Variants in SLX4IP observed in about 807,000 individuals in gnomAD.
SLX4IP encodes the protein SLX4 interacting protein.
Under a neutral mutation model 32.9 loss-of-function variants are expected in SLX4IP, and 34 were observed. The ratio of observed to expected loss-of-function variants is 1.03; its 90% CI spans 0.79 to 1.38. The LOEUF is 1.38. Among genes scored for constraint, SLX4IP ranks in the 40% most tolerant of loss-of-function variants. The probability of loss-of-function intolerance (pLI) is 0.00; values close to 1 mark genes in which losing one functional copy is unlikely to be tolerated. For missense variants in SLX4IP, 444 were observed against 479.0 expected, an observed-to-expected ratio of 0.93 and a Z score of 0.68; for synonymous variants, 172 against 171.7, an observed-to-expected ratio of 1.00 and a Z score of -0.01.
intron 2 of SLX4IP, among the ~76,000 whole-genome samples, chr20:10,500,706 G>A (rs924528198): frequency 3.3e-5 from 5 of 152,136 alleles, no homozygotes; most frequent in African/African-American, 1.2e-4. Flanking sequence ...AGCTATGACT[G>A]CACCTCTGCA....
intron 2 of SLX4IP, among the ~76,000 whole-genome samples, chr20:10,480,998 T>C (rs1046673505): frequency 6.6e-6 from 1 of 152,186 alleles, no homozygotes; most frequent in South Asian, 2.1e-4. Context: ...TGTTTTTTGT[T>C]TTGGATATCT....
At chr20:10,590,230 T>A (rs2066691891) in intron 4 of SLX4IP, among the ~76,000 whole-genome samples, 1 of 152,180 alleles carries the variant, frequency 6.6e-6, no homozygotes, top group Non-Finnish European at 1.5e-5. Context: ...TGTAATTTTT[T>A]AATGCAGATC....
chr20:10,460,641 A>G (rs975831037), intron 2 of SLX4IP, among the ~76,000 whole-genome samples: 1 of 152,174 alleles, frequency 6.6e-6, no homozygotes, highest in African/African-American at 2.4e-5. Flanking sequence ...CAGTCCTCTG[A>G]AGGCCTAGAT....
chr20:10,610,898 A>G (rs1315996729), intron 6 of SLX4IP, among the ~76,000 whole-genome samples: 1 of 124,230 alleles, frequency 8.0e-6, no homozygotes. Context: ...TTTAGGAAAG[A>G]GAGACTTCTT....
intron 4 of SLX4IP, among the ~76,000 whole-genome samples, chr20:10,595,595 G>A (rs1239309166): frequency 6.6e-6 from 1 of 152,186 alleles, no homozygotes; most frequent in East Asian, 1.9e-4. Context: ...GTGGCCTCCT[G>A]AACTCTGTGA....
intron 2 of SLX4IP, among the ~76,000 whole-genome samples, chr20:10,547,153 T>C (rs568557945): frequency 6.6e-6 from 1 of 152,360 alleles, no homozygotes; most frequent in East Asian, 1.9e-4. Flanking sequence ...CTCAAAACTC[T>C]TTCTCAGTAG....
chr20:10,550,997 A>G (rs769036976), intron 2 of SLX4IP, among the ~76,000 whole-genome samples: 3 of 152,150 alleles, frequency 2.0e-5, no homozygotes, highest in African/African-American at 7.2e-5. Context: ...CAGATGATCA[A>G]TGAGTGCATG....
In SLX4IP at chr20:10,623,397, C is replaced by T. The variant is rs753639584; in HGVS notation, c.*18C>T. 1 of 1,588,196 alleles carries T rather than the reference C, an allele frequency of 6.3e-7. No homozygotes were observed. Among genetic ancestry groups the T allele is most frequent in the Non-Finnish European group, 8.6e-7 (1 of 1,168,430 alleles). ...GCCATTAACACCGAAGAGGTTTGTA[C>T]CGTTGGAGTTGAGGACATAGTGGCC... On this transcript the variant is annotated 3_prime_UTR_variant, in exon 8 of 8. Coordinates refer to ENST00000334534, the MANE Select transcript of SLX4IP (RefSeq NM_001009608.3).
intron 4 of SLX4IP, among the ~76,000 whole-genome samples, chr20:10,597,574 G>A (rs2066786555): frequency 6.6e-6 from 1 of 152,186 alleles, no homozygotes; most frequent in Non-Finnish European, 1.5e-5. Flanking sequence ...TTTGTGAGAT[G>A]TATTTCTGTT....
At chr20:10,548,547 C>G (rs776681708) in intron 2 of SLX4IP, among the ~76,000 whole-genome samples, 1 of 152,044 alleles carries the variant, frequency 6.6e-6, no homozygotes, top group Non-Finnish European at 1.5e-5. Flanking sequence ...CCTCTCCAGG[C>G]CTTCTTTGTG....
At chr20:10,527,040 AT>A (rs1328034172) in intron 2 of SLX4IP, among the ~76,000 whole-genome samples, 1 of 152,180 alleles carries the variant, frequency 6.6e-6, no homozygotes, top group Non-Finnish European at 1.5e-5. Flanking sequence ...CCATTGAGAT[AT>A]GTGTTGTATG....
chr20:10,557,791 G>A (rs2066283236), intron 3 of SLX4IP, among the ~76,000 whole-genome samples: 2 of 152,198 alleles, frequency 1.3e-5, no homozygotes, highest in African/African-American at 4.8e-5. Context: ...AAAGCCCTGG[G>A]TGTGTGAATC....
intron 2 of SLX4IP, among the ~76,000 whole-genome samples, chr20:10,483,641 C>G (rs994306163): frequency 1.6e-5 from 2 of 126,770 alleles, no homozygotes; most frequent in African/African-American, 5.6e-5. Context: ...AAAATCCTGA[C>G]TATAAAAAAA....
At chr20:10,445,681 G>A (rs1293258716) in intron 1 of SLX4IP, among the ~76,000 whole-genome samples, 1 of 149,282 alleles carries the variant, frequency 6.7e-6, no homozygotes, top group Non-Finnish European at 1.5e-5. Flanking sequence ...CTGGAGTGCA[G>A]TGGCGTGATC....
At chr20:10,587,352 C>G (rs952132669) in intron 4 of SLX4IP, among the ~76,000 whole-genome samples, 1 of 151,990 alleles carries the variant, frequency 6.6e-6, no homozygotes. Flanking sequence ...TACAAAAAGT[C>G]TACAACAAAT....
chr20:10,623,412 A>G lies in SLX4IP; in HGVS notation c.*33A>G. ...GAGGTTTGTACCGTTGGAGTTGAGG[A>G]CATAGTGGCCAAACCTGTGACAAGA... On this transcript the variant is annotated 3_prime_UTR_variant, in exon 8 of 8. Coordinates refer to ENST00000334534, the MANE Select transcript of SLX4IP (RefSeq NM_001009608.3). The G allele has an allele frequency of 6.4e-7, 1 of 1,566,698 alleles. No individual in the cohort carries two copies.
intron 4 of SLX4IP, among the ~76,000 whole-genome samples, chr20:10,584,638 G>C (rs2066624334): frequency 6.6e-6 from 1 of 152,180 alleles, no homozygotes; most frequent in South Asian, 2.1e-4. Context: ...GGGAATCCAG[G>C]AATCTGTATG....
chr20:10,476,659 G>T (rs887833679), intron 2 of SLX4IP, among the ~76,000 whole-genome samples: 2 of 152,130 alleles, frequency 1.3e-5, no homozygotes, highest in African/African-American at 4.8e-5. Context: ...TTGGGTTGGG[G>T]ACTGGAATAT....
chr20:10,605,308 T>C (rs554228625), intron 6 of SLX4IP, among the ~76,000 whole-genome samples: 28 of 152,276 alleles, frequency 1.8e-4, no homozygotes, highest in Admixed American at 1.4e-3. Flanking sequence ...AAGTCCCAGC[T>C]CTATACTGGG....
Sources: allele counts gnomAD v4.1 joint callset (sites outside exome capture counted in the v4.1 genomes callset), GRCh38; gene constraint gnomAD v4.1.1; transcripts MANE v1.5; gene names NCBI Gene and HGNC (gene_info 2026-07-23, HGNC 2026-07-21).